Variants in CSMD1 observed in about 807,000 individuals in gnomAD.
CSMD1 encodes CUB and sushi domain-containing protein 1.
Under a neutral mutation model 417.5 loss-of-function variants are expected in CSMD1, and 213 were observed. That is an observed-to-expected ratio of 0.51 (90% CI 0.46 to 0.57). The LOEUF (loss-of-function observed/expected upper bound fraction) is 0.57, where lower values mean the gene tolerates loss of function less well. CSMD1 is among the 20% of genes least tolerant of loss of function. The pLI is 0.00. For missense variants in CSMD1, 6,923 were observed against 4,529.7 expected (o/e 1.53, Z -15.17); for synonymous variants, 2,862 against 1,736.8 (o/e 1.65, Z -16.11).
intron 10 of CSMD1, among the ~76,000 whole-genome samples, chr8:3,496,769 T>A (rs1476550978): frequency 1.3e-5 from 2 of 151,986 alleles, no homozygotes; most frequent in East Asian, 3.9e-4. Context: ...GAGGTTGCAG[T>A]GACCTGAGAT....
chr8:4,833,547 G>A (rs1440302775), intron 1 of CSMD1, among the ~76,000 whole-genome samples: 1 of 152,190 alleles, frequency 6.6e-6, no homozygotes, highest in African/African-American at 2.4e-5. Flanking sequence ...TTGCTGTTAA[G>A]TAGATAAGTC....
chr8:4,160,528 G>C (rs981930452), intron 3 of CSMD1, among the ~76,000 whole-genome samples: 2 of 152,186 alleles, frequency 1.3e-5, no homozygotes, highest in Non-Finnish European at 2.9e-5. Flanking sequence ...GCTTAAGCAA[G>C]GAAAAGGAGA....
In CSMD1 at chr8:4,314,840, G is replaced by C. The variant is rs547138394; in HGVS notation, c.415+105113C>G. On this transcript the variant is annotated intron_variant, in intron 3 of 69. Coordinates refer to ENST00000635120, the MANE Select transcript of CSMD1 (RefSeq NM_033225.6). The stretch of plus-strand genomic sequence containing the variant: ...AAGGGCAAAGGATTTTGTAAGAGGA[G>C]GGAGCTGCGACAAGCTGGGTGTTAG... Among the ~76,000 whole-genome samples, 8 of 152,298 alleles carry C rather than the reference G, an allele frequency of 5.3e-5. No individual in the cohort carries two copies. In the East Asian group the frequency reaches 7.7e-4, roughly 15 times the overall value.
chr8:3,444,307 C>T (rs961815001), intron 12 of CSMD1, among the ~76,000 whole-genome samples: 1 of 152,106 alleles, frequency 6.6e-6, no homozygotes, highest in Admixed American at 6.6e-5. Flanking sequence ...AAGCTATCAT[C>T]GACTCAGGAG....
intron 3 of CSMD1, among the ~76,000 whole-genome samples, chr8:4,341,200 T>C (rs908101311): frequency 6.6e-6 from 1 of 152,086 alleles, no homozygotes; most frequent in Non-Finnish European, 1.5e-5. Context: ...AAATCTGCAA[T>C]GAAGGCAAGT....
At position 3,284,202 on chromosome 8, in the gene CSMD1, G is replaced by C; in HGVS notation, c.4095C>G (p.Thr1365=). The change falls in exon 26 of 70, where the codon ACC becomes ACG. Residue 1365 remains threonine (T), a synonymous_variant. Coordinates refer to ENST00000635120, the MANE Select transcript of CSMD1 (RefSeq NM_033225.6). ...EDIHSTFNSL[T]LQFDSDFFIS... ...TGAAGAAGTCGCTGTCGAACTGCAG[G>C]GTGAGTGAGTTGAAGGTGCTGTGGA... The C allele has an allele frequency of 6.2e-7, 1 of 1,607,804 alleles. No individual in the cohort carries two copies.
At chr8:4,221,002 C>T (rs1422390185) in intron 3 of CSMD1, among the ~76,000 whole-genome samples, 1 of 152,176 alleles carries the variant, frequency 6.6e-6, no homozygotes, top group Admixed American at 6.5e-5. Flanking sequence ...CTCTGCCATG[C>T]CATGTGCCCG....
intron 25 of CSMD1, among the ~76,000 whole-genome samples, chr8:3,301,422 T>C (rs982236652): frequency 1.3e-5 from 2 of 152,092 alleles, no homozygotes; most frequent in African/African-American, 4.8e-5. Flanking sequence ...CATGTGGATA[T>C]GATATTAACA....
At chr8:4,708,127 T>G (rs1808067989) in intron 1 of CSMD1, among the ~76,000 whole-genome samples, 1 of 126,140 alleles carries the variant, frequency 7.9e-6, no homozygotes, top group South Asian at 2.5e-4. Flanking sequence ...TATTTTTTTT[T>G]ATTTTTTTGT....
chr8:4,009,295 T>A (rs1816370640), intron 4 of CSMD1, among the ~76,000 whole-genome samples: 1 of 152,244 alleles, frequency 6.6e-6, no homozygotes, highest in Non-Finnish European at 1.5e-5. Context: ...AACTCTAGAA[T>A]TTTTGTGCCC....
chr8:3,086,296 A>C (rs1001104568), intron 49 of CSMD1, among the ~76,000 whole-genome samples: 2 of 152,166 alleles, frequency 1.3e-5, no homozygotes, highest in African/African-American at 4.8e-5. Flanking sequence ...GTAAAACATA[A>C]ATAATACAGT....
chr8:4,451,157 G>C (rs890353877), intron 2 of CSMD1, among the ~76,000 whole-genome samples: 1 of 148,636 alleles, frequency 6.7e-6, no homozygotes, highest in Admixed American at 6.6e-5. Context: ...GTAAGACCCT[G>C]TCTCTATCAA....
intron 3 of CSMD1, among the ~76,000 whole-genome samples, chr8:4,379,941 T>A (rs1802996254): frequency 6.6e-6 from 1 of 152,200 alleles, no homozygotes; most frequent in Non-Finnish European, 1.5e-5. Context: ...GCATACACTC[T>A]GGAGATGGAA....
intron 1 of CSMD1, among the ~76,000 whole-genome samples, chr8:4,854,228 G>A (rs886558725): frequency 6.6e-6 from 1 of 152,108 alleles, no homozygotes; most frequent in African/African-American, 2.4e-5. Context: ...ATATGATTTG[G>A]GTATTTGCTC....
rs2128846931 is a variant in CSMD1 at position 4,266,611 on chromosome 8, A to C, written c.415+153342T>G. On this transcript the variant is annotated intron_variant, in intron 3 of 69. Coordinates refer to ENST00000635120, the MANE Select transcript of CSMD1 (RefSeq NM_033225.6). ...CAGGTATGTCCCCACTAATGGCGTA[A>C]AGTGACCTGTCCTGCAGTTGAACAT... Among the ~76,000 whole-genome samples the C allele has an allele frequency of 1.9e-5, 2 of 105,202 alleles. 1 individual carries two copies. The highest frequency in any genetic ancestry group is 5.2e-5 in the African/African-American group (2 of 38,616). 69.0% of individuals were successfully genotyped at this position (105,202 alleles called of 152,430 possible). A position where few individuals can be genotyped will look rare whatever the true frequency, so the allele number is the denominator to read the frequency against.
At chr8:3,096,754 G>C in intron 47 of CSMD1, 95 bp downstream of exon 47, 1 of 858,432 alleles carries the variant, frequency 1.2e-6, no homozygotes, top group Non-Finnish European at 1.8e-6. Flanking sequence ...GTTAACTCAA[G>C]AATATATTCC....
intron 3 of CSMD1, among the ~76,000 whole-genome samples, chr8:4,032,932 G>C (rs1359375425): frequency 6.6e-6 from 1 of 151,986 alleles, no homozygotes; most frequent in Non-Finnish European, 1.5e-5. Flanking sequence ...CTTCCCTGTT[G>C]GAATTACTGA....
intron 1 of CSMD1, among the ~76,000 whole-genome samples, chr8:4,783,549 G>C (rs111586944): frequency 6.6e-5 from 10 of 152,326 alleles, no homozygotes; most frequent in African/African-American, 2.4e-4. Flanking sequence ...GGCTTTCCCT[G>C]GTTCTAAGGA....
At chr8:4,012,748 TTC>T (rs1796333453) in intron 4 of CSMD1, among the ~76,000 whole-genome samples, 1 of 152,124 alleles carries the variant, frequency 6.6e-6, no homozygotes, top group African/African-American at 2.4e-5. Context: ...CCTAAAATGG[TTC>T]TTTTGCTCTT....
Sources: allele counts gnomAD v4.1 joint callset (sites outside exome capture counted in the v4.1 genomes callset), GRCh38; gene constraint gnomAD v4.1.1; transcripts MANE v1.5; gene names NCBI Gene and HGNC (gene_info 2026-07-23, HGNC 2026-07-21).